Variants in METTL15 observed in about 807,000 individuals in gnomAD.
METTL15 encodes 12S rRNA N(4)-cytidine methyltransferase METTL15.
Under a neutral mutation model 38.3 loss-of-function variants are expected in METTL15, and 34 were observed. The observed-to-expected ratio is 0.89, with a 90% CI of 0.68 to 1.18. The LOEUF is 1.18. Ranked by LOEUF, METTL15 falls within the 50% of genes most tolerant of loss-of-function variation. The pLI is 0.00. For missense variants in METTL15, 438 were observed against 498.4 expected (o/e 0.88, Z 1.15); for synonymous variants, 162 against 170.9 (o/e 0.95, Z 0.41).
intron 3 of METTL15, among the ~76,000 whole-genome samples, chr11:28,193,068 C>T (rs886186137): frequency 2.0e-5 from 3 of 152,198 alleles, no homozygotes; most frequent in African/African-American, 4.8e-5. Context: ...AACTTTTAGA[C>T]TAATTACTAA....
intron 6 of METTL15, among the ~76,000 whole-genome samples, chr11:28,459,299 G>A (rs2641229): frequency 0.99 from 151,276 of 152,300 alleles, 75,142 homozygotes; most frequent in Middle Eastern, 1. Flanking sequence ...ATAAGCCTCT[G>A]TGGAGTGGGT....
chr11:28,162,337 A>G (rs1850495673), intron 3 of METTL15, among the ~76,000 whole-genome samples: 1 of 152,164 alleles, frequency 6.6e-6, no homozygotes, highest in Non-Finnish European at 1.5e-5. Flanking sequence ...TAAGAAACAG[A>G]GTATGGTAGG....
chr11:28,517,334 T>G (rs1851727987), intron 6 of METTL15: 1 of 152,176 alleles, frequency 6.6e-6, no homozygotes, highest in African/African-American at 2.4e-5. Flanking sequence ...TTTAATTTAT[T>G]TATTTTTTAA....
At chr11:28,237,300 TC>T (rs1854039477) in intron 4 of METTL15, among the ~76,000 whole-genome samples, 1 of 152,192 alleles carries the variant, frequency 6.6e-6, no homozygotes, top group Non-Finnish European at 1.5e-5. Context: ...TTTGTTTGTT[TC>T]TTTTTATTCT....
chr11:28,363,749 T>G (rs1349463525), intron 5 of METTL15, among the ~76,000 whole-genome samples: 1 of 152,170 alleles, frequency 6.6e-6, no homozygotes, highest in African/African-American at 2.4e-5. Context: ...CTTAGACATA[T>G]CTTTGCCAAA....
intron 3 of METTL15, among the ~76,000 whole-genome samples, chr11:28,128,871 T>G (rs565818227): frequency 6.6e-6 from 1 of 152,190 alleles, no homozygotes; most frequent in Non-Finnish European, 1.5e-5. Context: ...ACTAATGGTG[T>G]TTTAGGAGAG....
At chr11:28,397,565 C>T (rs1329651545) in intron 5 of METTL15, among the ~76,000 whole-genome samples, 5 of 150,892 alleles carry the variant, frequency 3.3e-5, no homozygotes, top group South Asian at 2.1e-4. Context: ...GTTAGAATGG[C>T]GATCATTAAA....
At chr11:28,381,266 T>C (rs1052350991) in intron 5 of METTL15, among the ~76,000 whole-genome samples, 1 of 152,184 alleles carries the variant, frequency 6.6e-6, no homozygotes. Flanking sequence ...CCCAAGTTGC[T>C]GGGGTTACAA....
At chr11:28,442,382 C>T (rs1851042078) in intron 6 of METTL15, among the ~76,000 whole-genome samples, 1 of 151,954 alleles carries the variant, frequency 6.6e-6, no homozygotes, top group South Asian at 2.1e-4. Flanking sequence ...AGGCCTTGCA[C>T]TTGTGAAACT....
intron 4 of METTL15, among the ~76,000 whole-genome samples, chr11:28,223,282 A>G (rs1486101184): frequency 6.6e-6 from 1 of 152,162 alleles, no homozygotes; most frequent in Non-Finnish European, 1.5e-5. Flanking sequence ...TTTTATGTTT[A>G]CATCTCTGCA....
At chr11:28,259,496 T>C (rs112113082) in intron 4 of METTL15, among the ~76,000 whole-genome samples, 1 of 152,160 alleles carries the variant, frequency 6.6e-6, no homozygotes, top group African/African-American at 2.4e-5. Flanking sequence ...TTCAAGTTCA[T>C]GTAGGGGCCC....
intron 6 of METTL15, among the ~76,000 whole-genome samples, chr11:28,482,652 A>G (rs1851405086): frequency 6.6e-6 from 1 of 152,224 alleles, no homozygotes; most frequent in African/African-American, 2.4e-5. Flanking sequence ...TGGTTAGTAG[A>G]TAATGTGCCA....
chr11:28,278,549 G>A (rs372499571), intron 4 of METTL15, among the ~76,000 whole-genome samples: 11 of 152,022 alleles, frequency 7.2e-5, no homozygotes, highest in African/African-American at 1.5e-4. Flanking sequence ...GGGTCTTGGC[G>A]TAAATCTAAG....
At chr11:28,237,160 T>G (rs2133895294) in intron 4 of METTL15, among the ~76,000 whole-genome samples, 1 of 152,338 alleles carries the variant, frequency 6.6e-6, no homozygotes, top group South Asian at 2.1e-4. Flanking sequence ...CCTTGCTAGT[T>G]TGGGGAAGTT....
At chr11:28,382,098 T>A (rs971303921) in intron 5 of METTL15, among the ~76,000 whole-genome samples, 6 of 152,214 alleles carry the variant, frequency 3.9e-5, no homozygotes, top group Non-Finnish European at 8.8e-5. Flanking sequence ...GATCACTACC[T>A]CTTTGAGCCC....
At chr11:28,276,936 G>A (rs777464029) in intron 4 of METTL15, among the ~76,000 whole-genome samples, 23 of 152,056 alleles carry the variant, frequency 1.5e-4, no homozygotes, top group Non-Finnish European at 3.2e-4. Context: ...TAAGTTAAAC[G>A]TGAGAGCGGA....
intron 5 of METTL15, among the ~76,000 whole-genome samples, chr11:28,385,138 T>G (rs768307473): frequency 6.6e-6 from 1 of 152,224 alleles, no homozygotes; most frequent in Non-Finnish European, 1.5e-5. Context: ...GCAGAAGCTC[T>G]TTAGTTTAAT....
chr11:28,525,397 T>C (rs1020005254), intron 6 of METTL15, among the ~76,000 whole-genome samples: 6 of 152,154 alleles, frequency 3.9e-5, no homozygotes, highest in Non-Finnish European at 8.8e-5. Context: ...ATTAGCTAGA[T>C]ACACAGTGCT....
intron 4 of METTL15, among the ~76,000 whole-genome samples, chr11:28,260,662 A>G (rs1040835527): frequency 7.2e-5 from 11 of 152,196 alleles, no homozygotes; most frequent in Non-Finnish European, 1.3e-4. Flanking sequence ...TGAAGAGGAA[A>G]CTAAAAGTAT....
Sources: allele counts gnomAD v4.1 joint callset (sites outside exome capture counted in the v4.1 genomes callset), GRCh38; gene constraint gnomAD v4.1.1; transcripts MANE v1.5; gene names NCBI Gene and HGNC (gene_info 2026-07-23, HGNC 2026-07-21).